The following PDE5A variants were observed in gnomAD, a reference collection of about 807,000 sequenced individuals.
PDE5A encodes phosphodiesterase 5A.
A neutral mutation model predicts 110.2 loss-of-function variants in PDE5A; 67 were observed. The ratio of observed to expected loss-of-function variants is 0.61; its 90% CI spans 0.50 to 0.75. The LOEUF (loss-of-function observed/expected upper bound fraction) is 0.75. PDE5A is among the 30% of genes least tolerant of loss of function. The probability of loss-of-function intolerance (pLI) is 0.00; values close to 1 mark genes in which losing one functional copy is unlikely to be tolerated. For missense variants in PDE5A, 862 were observed against 1,045.1 expected (o/e 0.82, Z 2.42); for synonymous variants, 328 against 351.2 (o/e 0.93, Z 0.74).
chr4:119,537,380 C>T lies in PDE5A; in HGVS notation c.1632+1580G>A, dbSNP rs572718131. 3.9e-5 allele frequency among the ~76,000 whole-genome samples: 6 copies of T among 152,126 alleles called. No individual in the cohort carries two copies. In the East Asian group the frequency reaches 7.8e-4, roughly 20 times the overall value. ...GCGTTCTCAATAATCACTTAATCAA[C>T]GAATCCACAGCAGCTTTTTCACAAT... On this transcript the variant is annotated intron_variant, in intron 11 of 20. Transcript: ENST00000354960.
chr4:119,497,551 G>C lies in PDE5A; in HGVS notation c.*1050C>G, dbSNP rs1180930512. 1 of 151,992 alleles carries C rather than the reference G, an allele frequency of 6.6e-6. No individual in the cohort carries two copies. The highest frequency in any genetic ancestry group is 2.4e-5 in the African/African-American group (1 of 41,406). The allele number at this position is 151,992 out of a possible 1,614,324, so 9.4% of individuals were successfully genotyped here. ...CACAATACTGCTAAATGTTATTCAG[G>C]CATAAAGTTTCTTACCCACTGTTCC... On this transcript the variant is annotated 3_prime_UTR_variant, in exon 21 of 21. Coordinates refer to ENST00000354960, the MANE Select transcript of PDE5A (RefSeq NM_001083.4).
At chr4:119,560,189 T>A (rs2110503030) in intron 7 of PDE5A, 107 bp downstream of exon 7, 1 of 652,872 alleles carries the variant, frequency 1.5e-6, no homozygotes, top group Non-Finnish European at 2.6e-6. Context: ...CAAGAGACAA[T>A]AAAATAATCT....
At chr4:119,531,772 G>A (rs1726551426) in intron 11 of PDE5A, among the ~76,000 whole-genome samples, 1 of 151,800 alleles carries the variant, frequency 6.6e-6, no homozygotes, top group Non-Finnish European at 1.5e-5. Flanking sequence ...GAACACATTT[G>A]CTCTGATTCT....
At chr4:119,557,730 TTAAA>T (rs1227509745) in intron 7 of PDE5A, among the ~76,000 whole-genome samples, 2 of 152,174 alleles carry the variant, frequency 1.3e-5, no homozygotes, top group Non-Finnish European at 2.9e-5. Context: ...CTTTGAGAGA[TTAAA>T]TAATTTACAT....
At position 119,497,353 on chromosome 4, in the gene PDE5A, A is replaced by C. The variant is rs1725112915; in HGVS notation, c.*1248T>G. ...GTGTCTTTAGGGGCACACATGTAGA[A>C]TATTAATCCACTTAAATGGGCTCAA... On this transcript the variant is annotated 3_prime_UTR_variant, in exon 21 of 21. Coordinates refer to ENST00000354960, the MANE Select transcript of PDE5A (RefSeq NM_001083.4). The C allele has an allele frequency of 6.6e-6, 1 of 152,158 alleles. No individual in the cohort carries two copies. The highest frequency in any genetic ancestry group is 2.4e-5 in the African/African-American group (1 of 41,460). 9.4% of individuals were successfully genotyped at this position (152,158 alleles called of 1,614,324 possible). A position where few individuals can be genotyped will look rare whatever the true frequency, so the allele number is the denominator to read the frequency against.
chr4:119,520,514 C>A (rs1044494098), intron 13 of PDE5A, among the ~76,000 whole-genome samples: 8 of 152,090 alleles, frequency 5.3e-5, no homozygotes, highest in African/African-American at 1.9e-4. Context: ...AAATGCGATA[C>A]AGACCCCTAA....
In PDE5A at chr4:119,525,805, CT is replaced by C. The variant is rs942753472; in HGVS notation, c.1633-111del. 2.7e-6 allele frequency: 3 copies of C among 1,098,100 alleles called. No individual in the cohort carries two copies. The highest frequency in any genetic ancestry group is 5.2e-5 in the Admixed American group (2 of 38,272). The allele number at this position is 1,098,100 out of a possible 1,614,324, so 68.0% of individuals were successfully genotyped here. A position where few individuals can be genotyped will look rare whatever the true frequency, so the allele number is the denominator to read the frequency against. On this transcript the variant is annotated intron_variant, in intron 11 of 20. Transcript: ENST00000354960. This position sits in a 1 kb window ranked among gnomAD's most constrained non-coding sequence, Gnocchi z 4.3. ...AATAGCATATTGTGGCTTTTTTTTC[CT>C]TTTTAATGAAAGACACTAGAAACCT...
chr4:119,584,253 G>T (rs530301877), intron 3 of PDE5A, among the ~76,000 whole-genome samples: 52 of 152,340 alleles, frequency 3.4e-4, no homozygotes, highest in African/African-American at 1.1e-3. Context: ...GGGAGGCAAT[G>T]TAGAGATTTC....
At chr4:119,547,978 A>T (rs1432102953) in intron 9 of PDE5A, among the ~76,000 whole-genome samples, 1 of 150,868 alleles carries the variant, frequency 6.6e-6, no homozygotes, top group Admixed American at 6.6e-5. Context: ...ATTTTTTCCT[A>T]TAATTTAACA....
intron 1 of PDE5A, among the ~76,000 whole-genome samples, chr4:119,610,141 C>T (rs1729692855): frequency 6.6e-6 from 1 of 152,104 alleles, no homozygotes; most frequent in Admixed American, 6.5e-5. Context: ...ACAAAATTTC[C>T]GGTGAAGACA....
chr4:119,497,660 A>C lies in PDE5A; in HGVS notation c.*941T>G, dbSNP rs1235682560. The C allele has an allele frequency of 1.3e-5, 2 of 152,206 alleles. No homozygotes were observed. Among genetic ancestry groups the C allele is most frequent in the African/African-American group, 4.8e-5 (2 of 41,458 alleles). 9.4% of individuals were successfully genotyped at this position (152,206 alleles called of 1,614,324 possible). ...AACTTTTCTTTAAATTTCAATTGAC[A>C]GGAAAAAGAGTCATTTTGTACTCTC... On this transcript the variant is annotated 3_prime_UTR_variant, in exon 21 of 21. Coordinates refer to ENST00000354960, the MANE Select transcript of PDE5A (RefSeq NM_001083.4).
At chr4:119,544,612 T>G (rs1253209423) in intron 9 of PDE5A, among the ~76,000 whole-genome samples, 1 of 152,216 alleles carries the variant, frequency 6.6e-6, no homozygotes, top group Non-Finnish European at 1.5e-5. Context: ...GGAATTGCCT[T>G]TCAGTTTTAC....
At chr4:119,566,201 T>C (rs564757256) in intron 4 of PDE5A, among the ~76,000 whole-genome samples, 3 of 152,204 alleles carry the variant, frequency 2.0e-5, no homozygotes, top group Admixed American at 2.0e-4. Context: ...TATTACTCGA[T>C]TTAAAAAGTA....
intron 10 of PDE5A, 100 bp from the exon 11 acceptor site, chr4:119,539,119 T>G: frequency 1.1e-6 from 1 of 872,374 alleles, no homozygotes; most frequent in South Asian, 1.4e-5. Context: ...CTTGGAGAGA[T>G]AATTAGACTC....
At chr4:119,560,565 G>A (rs933459746) in intron 6 of PDE5A, among the ~76,000 whole-genome samples, 11 of 152,052 alleles carry the variant, frequency 7.2e-5, no homozygotes, top group African/African-American at 9.7e-5. Flanking sequence ...TAAAAGTTTC[G>A]TTCATATAAT....
intron 14 of PDE5A, among the ~76,000 whole-genome samples, chr4:119,513,915 A>G (rs1478206388): frequency 1.3e-5 from 2 of 152,220 alleles, no homozygotes; most frequent in East Asian, 3.8e-4. Context: ...TACATTCTAA[A>G]AATACAGATT....
chr4:119,521,214 C>T (rs769405752), intron 12 of PDE5A, among the ~76,000 whole-genome samples, 154 bp from the exon 13 acceptor site: 13 of 152,088 alleles, frequency 8.5e-5, no homozygotes, highest in Non-Finnish European at 1.9e-4. Flanking sequence ...AGGTAACTTG[C>T]TGAAGGTCAT....
rs147413547 is a variant in PDE5A, at chr4:119,522,105, G to A, written c.1780-1045C>T. On this transcript the variant is annotated intron_variant, in intron 12 of 20. Coordinates refer to ENST00000354960, the MANE Select transcript of PDE5A (RefSeq NM_001083.4). ...GGTTTCTTCATTGTCGGTAGAAACT[G>A]CTTATAAAGAACTTGGTGGGAAATC... is the stretch of plus-strand genomic sequence containing the variant. 2.1e-3 allele frequency among the ~76,000 whole-genome samples: 318 copies of A among 152,218 alleles called. 1 individual carries two copies. Among genetic ancestry groups the A allele is most frequent in the African/African-American group, 7.1e-3 (293 of 41,550 alleles).
intron 1 of PDE5A, among the ~76,000 whole-genome samples, chr4:119,621,942 G>A (rs545980225): frequency 5.3e-5 from 8 of 152,174 alleles, no homozygotes; most frequent in African/African-American, 9.6e-5. Context: ...AGGCCGAGGC[G>A]GGGGGATCAC....
Sources: gnomAD v4.1 joint callset for allele counts (sites outside exome capture counted in the v4.1 genomes callset) on GRCh38, gnomAD v4.1.1 for gene constraint, Gnocchi (gnomAD v3.1) non-coding constraint, MANE v1.5 for transcripts, NCBI Gene and HGNC (gene_info 2026-07-23, HGNC 2026-07-21) for gene names.